Variants in AGFG1 observed in about 807,000 individuals in gnomAD.
AGFG1 encodes the protein ArfGAP with FG repeats 1.
AGFG1 carries 10 observed loss-of-function variants against 60.6 expected under a neutral mutation model. That is an observed-to-expected ratio of 0.16 (90% CI 0.10 to 0.28). The LOEUF (loss-of-function observed/expected upper bound fraction) is 0.28, where lower values mean the gene tolerates loss of function less well. Among genes scored for constraint, AGFG1 ranks in the 10% least tolerant of loss-of-function variants. The probability of loss-of-function intolerance (pLI) is 1.00; values close to 1 mark genes in which losing one functional copy is unlikely to be tolerated. For missense variants in AGFG1, 537 were observed against 676.5 expected, an observed-to-expected ratio of 0.79 and a Z score of 2.29; for synonymous variants, 247 against 242.9, an observed-to-expected ratio of 1.02 and a Z score of -0.16.
chr2:227,510,311 C>T (rs73083414), intron 2 of AGFG1, among the ~76,000 whole-genome samples: 2,620 of 152,208 alleles, frequency 0.017, 77 homozygotes, highest in African/African-American at 0.06. Context: ...GAATGGACAC[C>T]TAACCCTGGG....
intron 2 of AGFG1, among the ~76,000 whole-genome samples, chr2:227,495,887 G>C (rs1185401734): frequency 6.6e-6 from 1 of 151,820 alleles, no homozygotes; most frequent in Non-Finnish European, 1.5e-5. Context: ...TGGATCAGTT[G>C]AGGCCAGGAG....
intron 10 of AGFG1, among the ~76,000 whole-genome samples, chr2:227,548,751 C>T (rs1313499654): frequency 6.6e-6 from 1 of 152,134 alleles, no homozygotes; most frequent in Admixed American, 6.5e-5. Context: ...TCCTGGCTAA[C>T]ACGGTGAAAC....
intron 2 of AGFG1, among the ~76,000 whole-genome samples, chr2:227,501,131 G>A (rs114260581): frequency 0.054 from 8,244 of 152,064 alleles, 295 homozygotes; most frequent in African/African-American, 0.09. Context: ...TGTCGCTCAG[G>A]CTGGAGTAGT....
At chr2:227,479,390 A>T (rs1393541889) in intron 1 of AGFG1, among the ~76,000 whole-genome samples, 1 of 152,220 alleles carries the variant, frequency 6.6e-6, no homozygotes, top group Admixed American at 6.5e-5. Flanking sequence ...TTTAGATTAA[A>T]TTTACATTAA....
intron 1 of AGFG1, among the ~76,000 whole-genome samples, chr2:227,485,055 T>A (rs998517886): frequency 2.0e-5 from 3 of 152,030 alleles, no homozygotes; most frequent in African/African-American, 7.2e-5. Flanking sequence ...TACTGTTATT[T>A]TGATCTTATA....
At chr2:227,512,067 C>A (rs983971583) in intron 2 of AGFG1, among the ~76,000 whole-genome samples, 1 of 152,102 alleles carries the variant, frequency 6.6e-6, no homozygotes, top group Non-Finnish European at 1.5e-5. Flanking sequence ...TTTAAAGAAA[C>A]CCTAGGACAA....
intron 1 of AGFG1, among the ~76,000 whole-genome samples, chr2:227,485,540 T>C (rs1370633899): frequency 2.0e-5 from 3 of 152,006 alleles, no homozygotes; most frequent in African/African-American, 7.2e-5. Context: ...CCAGCCCAAA[T>C]TGTTTTTAAA....
chr2:227,489,012 A>C (rs1049246696), intron 1 of AGFG1, among the ~76,000 whole-genome samples: 1 of 151,996 alleles, frequency 6.6e-6, no homozygotes, highest in African/African-American at 2.4e-5. Flanking sequence ...ACAGGGTTTC[A>C]ACATGTTGGC....
chr2:227,523,714 T>A, intron 3 of AGFG1, 49 bp from the exon 4 acceptor site: 1 of 1,549,550 alleles, frequency 6.5e-7, no homozygotes, highest in East Asian at 2.3e-5. Flanking sequence ...TTTTTTGATA[T>A]AGAATTACCT....
At chr2:227,524,661 C>G in intron 4 of AGFG1, 101 bp from the exon 5 acceptor site, 2 of 1,230,448 alleles carry the variant, frequency 1.6e-6, no homozygotes, top group Non-Finnish European at 1.2e-6. Flanking sequence ...CATACTGTAA[C>G]TCTTCGTATG....
rs187304537 is a variant in AGFG1 at position 227,553,329 on chromosome 2, C to G, written c.1538-375C>G. On this transcript the variant is annotated intron_variant, in intron 11 of 12. Coordinates refer to ENST00000310078, the MANE Select transcript of AGFG1 (RefSeq NM_004504.5). ...CCTGGGCAATGTAGTGAAACCCTGT[C>G]TACAAAAAATACAAAAATTAGCTGG... is the stretch of plus-strand genomic sequence containing the variant. Among the ~76,000 whole-genome samples the G allele has an allele frequency of 5.3e-5, 8 of 151,972 alleles. No individual in the cohort carries two copies. The East Asian group carries it at 1.6e-3, about 30-fold the overall frequency.
chr2:227,515,859 G>A (rs1054985515), intron 2 of AGFG1, among the ~76,000 whole-genome samples: 1 of 152,138 alleles, frequency 6.6e-6, no homozygotes. Flanking sequence ...CTAGATGCCT[G>A]AAATAGCAAT....
At chr2:227,534,336 A>C (rs1455731138) in intron 7 of AGFG1, among the ~76,000 whole-genome samples, 1 of 152,160 alleles carries the variant, frequency 6.6e-6, no homozygotes, top group Non-Finnish European at 1.5e-5. Context: ...CTAAGCATTA[A>C]ACTCATGGAG....
intron 4 of AGFG1, among the ~76,000 whole-genome samples, chr2:227,524,191 A>G (rs1691910793): frequency 6.6e-6 from 1 of 151,882 alleles, no homozygotes; most frequent in African/African-American, 2.4e-5. Context: ...AGCTATATAT[A>G]TGTGTGTGTG....
In AGFG1 at chr2:227,555,933, A is replaced by G. The variant is rs1692958898; in HGVS notation, c.*1438A>G. On this transcript the variant is annotated 3_prime_UTR_variant, in exon 13 of 13. Transcript: ENST00000310078. ...ATTATTTGCTTGTCCAGACTATAGC[A>G]TATTAGCTGTTTAGAAGGGATGGCT... 6.6e-6 allele frequency: 1 copy of G among 152,226 alleles called. No homozygotes were observed. Among genetic ancestry groups the G allele is most frequent in the South Asian group, 2.1e-4 (1 of 4,834 alleles). 9.4% of individuals were successfully genotyped at this position (152,226 alleles called of 1,614,324 possible).
chr2:227,524,897 C>G lies in AGFG1; in HGVS notation c.676C>G (p.His226Asp), dbSNP rs375289804. ...TACAGCCAATTTTGCTAACTTTGCA[C>G]ATTTCAACAGTCATGCAGGTAAGTG... is the stretch of plus-strand genomic sequence containing the variant. ...TATANFANFA[H>D]FNSHAAQNSA... is the part of the protein sequence containing the mutation. Residue 226 changes from histidine (H) to aspartate (D), a missense_variant, in exon 5 of 13, where the codon CAT (histidine) becomes GAT (aspartate). Coordinates refer to ENST00000310078, the MANE Select transcript of AGFG1 (RefSeq NM_004504.5). 10 of 1,614,010 alleles carry G rather than the reference C, an allele frequency of 6.2e-6. No homozygotes were observed. Among genetic ancestry groups the G allele is most frequent in the Non-Finnish European group, 8.5e-6 (10 of 1,179,988 alleles).
intron 1 of AGFG1, among the ~76,000 whole-genome samples, chr2:227,487,761 G>A (rs1350762593): frequency 1.3e-5 from 2 of 152,182 alleles, no homozygotes; most frequent in African/African-American, 4.8e-5. Context: ...GGGTGGTATA[G>A]GGGCGAGACT....
At position 227,532,333 on chromosome 2, in the gene AGFG1, C is replaced by A. The variant is rs187036374; in HGVS notation, c.814+1123C>A. The A allele has an allele frequency of 6.1e-5, 39 of 640,422 alleles. 1 individual carries two copies. The African/African-American group carries it at 7.5e-4, about 12-fold the overall frequency. The allele number at this position is 640,422 out of a possible 1,614,324, so 39.7% of individuals were successfully genotyped here. ...GATAATCCTTCATAAAAATCTCTTC[C>A]AACTCTATTTATTAAACTCAGAGTT... On this transcript the variant is annotated intron_variant, in intron 6 of 12. Transcript: ENST00000310078.
chr2:227,526,667 T>A (rs1398523574), intron 5 of AGFG1, among the ~76,000 whole-genome samples: 2 of 149,654 alleles, frequency 1.3e-5, no homozygotes, highest in Non-Finnish European at 3.0e-5. Context: ...CTCAGCCTCC[T>A]GAGTAACTGG....
Sources: gnomAD v4.1 joint callset for allele counts (sites outside exome capture counted in the v4.1 genomes callset) on GRCh38, gnomAD v4.1.1 for gene constraint, MANE v1.5 for transcripts, NCBI Gene and HGNC (gene_info 2026-07-23, HGNC 2026-07-21) for gene names.